The following EPB41L4A variants were observed in gnomAD, a reference collection of about 807,000 sequenced individuals.
EPB41L4A encodes the protein erythrocyte membrane protein band 4.1 like 4A, also known as band 4.1-like protein 4A.
In EPB41L4A, 100 loss-of-function variants were observed where a neutral mutation model predicts 108.6. That is an observed-to-expected ratio of 0.92 (90% CI 0.78 to 1.09). The LOEUF (loss-of-function observed/expected upper bound fraction) is 1.09, where lower values mean the gene tolerates loss of function less well. EPB41L4A is among the 50% of genes least tolerant of loss of function. The probability of loss-of-function intolerance (pLI) is 0.00; values close to 1 mark genes in which losing one functional copy is unlikely to be tolerated. For synonymous variants in EPB41L4A, 319 were observed against 289.0 expected (o/e 1.10, Z -1.05); for missense variants, 1,030 against 842.7 (o/e 1.22, Z -2.75).
intron 1 of EPB41L4A, among the ~76,000 whole-genome samples, chr5:112,362,680 C>A (rs1561608835): frequency 6.6e-6 from 1 of 152,148 alleles, no homozygotes; most frequent in Non-Finnish European, 1.5e-5. Flanking sequence ...AAAATTAAAC[C>A]TTGAGGAACA....
intron 1 of EPB41L4A, among the ~76,000 whole-genome samples, chr5:112,317,892 A>G (rs1381361756): frequency 1.3e-5 from 2 of 152,230 alleles, no homozygotes; most frequent in East Asian, 3.8e-4. Context: ...CCATATGAAC[A>G]AAAGTTCTTC....
intron 22 of EPB41L4A, among the ~76,000 whole-genome samples, chr5:112,167,799 G>A (rs1180810486): frequency 6.6e-6 from 1 of 152,038 alleles, no homozygotes; most frequent in African/African-American, 2.4e-5. Context: ...TCTATCTAGG[G>A]AACCTAACCT....
intron 12 of EPB41L4A, among the ~76,000 whole-genome samples, chr5:112,212,776 T>C (rs1051911751): frequency 1.3e-5 from 2 of 152,012 alleles, no homozygotes; most frequent in Admixed American, 6.6e-5. Flanking sequence ...TAACACCAAC[T>C]GAAAAAAGCT....
rs768227870 is a variant in EPB41L4A, at chr5:112,165,103, T to C, written c.1948A>G (p.Lys650Glu). Residue 650 changes from lysine to glutamate, a missense_variant, in exon 23 of 23, where the codon AAA (lysine) becomes GAA (glutamate). Physicochemically the swap from Lys to Glu is moderately conservative, Grantham distance 56 (BLOSUM62 1). Transcript: ENST00000261486. ...GGTTTTTCTTCCATCAGGCTATCTTTAGACCCATTTCTTCTCTAAAATATA... is the reference window on the plus strand; with the variant it reads ...GGTTTTTCTTCCATCAGGCTATCTTCAGACCCATTTCTTCTCTAAAATATA... ...ATVHQRRNGS[K>E]DSLMEEKPQT... 8 of 1,534,864 alleles carry C rather than the reference T, an allele frequency of 5.2e-6. No individual in the cohort carries two copies. The East Asian group carries it at 1.4e-4, about 27-fold the overall frequency.
chr5:112,217,130 G>C (rs1747704905), intron 12 of EPB41L4A, among the ~76,000 whole-genome samples: 1 of 152,030 alleles, frequency 6.6e-6, no homozygotes, highest in African/African-American at 2.4e-5. Context: ...TTTTAGTAGA[G>C]ATGGGGTTTC....
intron 9 of EPB41L4A, among the ~76,000 whole-genome samples, chr5:112,255,236 A>G (rs1750994696): frequency 4.0e-5 from 3 of 74,342 alleles, no homozygotes; most frequent in African/African-American, 1.7e-4. Context: ...AAACTCCTCC[A>G]AAGAGTTGTC....
intron 1 of EPB41L4A, among the ~76,000 whole-genome samples, chr5:112,341,123 C>A (rs927766165): frequency 2.6e-5 from 4 of 152,164 alleles, no homozygotes; most frequent in Non-Finnish European, 4.4e-5. Flanking sequence ...TTAATGTTTT[C>A]ACTGTTTAAT....
At chr5:112,400,518 G>T (rs1446146205) in intron 1 of EPB41L4A, among the ~76,000 whole-genome samples, 1 of 152,118 alleles carries the variant, frequency 6.6e-6, no homozygotes, top group Non-Finnish European at 1.5e-5. Flanking sequence ...GAGCAGGCAG[G>T]TCACACAGTG....
At chr5:112,363,609 G>A (rs1054593507) in intron 1 of EPB41L4A, 2 of 152,306 alleles carry the variant, frequency 1.3e-5, no homozygotes, top group African/African-American at 2.4e-5. Flanking sequence ...ACATGTTGCA[G>A]GAACATCTCC....
chr5:112,395,792 A>G (rs1221936405), intron 1 of EPB41L4A, among the ~76,000 whole-genome samples: 1 of 152,238 alleles, frequency 6.6e-6, no homozygotes, highest in African/African-American at 2.4e-5. Flanking sequence ...AGACTTATGC[A>G]CACTTATGTT....
chr5:112,315,373 T>G (rs1031546587), intron 1 of EPB41L4A, among the ~76,000 whole-genome samples: 1 of 152,224 alleles, frequency 6.6e-6, no homozygotes, highest in Non-Finnish European at 1.5e-5. Flanking sequence ...TTACTTTCTA[T>G]GCAGTCCAAT....
At position 112,322,611 on chromosome 5, in the gene EPB41L4A, T is replaced by G. The variant is rs187554115; in HGVS notation, c.100-15121A>C. Among the ~76,000 whole-genome samples, 5 of 152,172 alleles carry G rather than the reference T, an allele frequency of 3.3e-5. No individual in the cohort carries two copies. The East Asian group carries it at 9.7e-4, about 29-fold the overall frequency. ...CAGACCTCAAAGGTCACTGTGCCGG[T>G]GAGCCAAACTGCTCTTGAGAACCAA... On this transcript the variant is annotated intron_variant, in intron 1 of 22. Transcript: ENST00000261486.
chr5:112,393,554 C>T (rs1761103366), intron 1 of EPB41L4A, among the ~76,000 whole-genome samples: 1 of 152,122 alleles, frequency 6.6e-6, no homozygotes, highest in African/African-American at 2.4e-5. Context: ...GAAGTTGAAT[C>T]CCTGAATAGA....
intron 9 of EPB41L4A, among the ~76,000 whole-genome samples, chr5:112,256,575 A>T (rs902997717): frequency 6.6e-6 from 1 of 152,172 alleles, no homozygotes; most frequent in Non-Finnish European, 1.5e-5. Context: ...GAAAGAAAAG[A>T]TTGCATCCAC....
At chr5:112,370,178 C>G (rs1214324503) in intron 1 of EPB41L4A, among the ~76,000 whole-genome samples, 1 of 151,810 alleles carries the variant, frequency 6.6e-6, no homozygotes, top group Non-Finnish European at 1.5e-5. Flanking sequence ...GTACACACCA[C>G]CAAGCCTGTC....
chr5:112,212,075 C>A (rs575327381), intron 12 of EPB41L4A, among the ~76,000 whole-genome samples: 12 of 152,308 alleles, frequency 7.9e-5, no homozygotes, highest in African/African-American at 2.9e-4. Flanking sequence ...TGCCATCAAA[C>A]GTCAGCAGTG....
chr5:112,178,233 G>C (rs898581925), intron 18 of EPB41L4A, among the ~76,000 whole-genome samples: 4 of 151,978 alleles, frequency 2.6e-5, no homozygotes, highest in African/African-American at 9.7e-5. Context: ...CAGAATAAAG[G>C]GTCATCAGTT....
Position 112,165,128 on chromosome 5 carries a change from A to ACG in EPB41L4A, c.1933-11_1933-10insCG, listed in dbSNP as rs1554071158. ...TAGACCCATTTCTTCTCTAAAATATATTTGAAAAATGTAGAAAGATTCAGA... is the reference window on the plus strand; with the variant it reads ...TAGACCCATTTCTTCTCTAAAATATACGTTTGAAAAATGTAGAAAGATTCAGA... On this transcript the variant is annotated splice_polypyrimidine_tract_variant and intron_variant, in intron 22 of 22. Coordinates refer to ENST00000261486, the MANE Select transcript of EPB41L4A (RefSeq NM_022140.5). 1.9e-6 allele frequency: 3 copies of ACG among 1,585,156 alleles called. No individual in the cohort carries two copies. In the East Asian group the frequency reaches 6.7e-5, roughly 35 times the overall value.
chr5:112,183,873 T>C, intron 18 of EPB41L4A, 143 bp downstream of exon 18: 1 of 1,101,720 alleles, frequency 9.1e-7, no homozygotes, highest in Non-Finnish European at 1.3e-6. Flanking sequence ...GGTTAATAAA[T>C]GTCACAAATA....
Sources: gnomAD v4.1 joint callset for allele counts (sites outside exome capture counted in the v4.1 genomes callset) on GRCh38, gnomAD v4.1.1 for gene constraint, MANE v1.5 for transcripts, NCBI Gene and HGNC (gene_info 2026-07-23, HGNC 2026-07-21) for gene names.